PLCB1: variants seen among roughly 807,000 people sequenced by gnomAD.
PLCB1 encodes 1-phosphatidylinositol 4,5-bisphosphate phosphodiesterase beta-1.
PLCB1 carries 46 observed loss-of-function variants against 161.8 expected under a neutral mutation model. The observed-to-expected ratio is 0.28, with a 90% CI of 0.22 to 0.36. The LOEUF is 0.36. Ranked by LOEUF, PLCB1 falls within the 10% of genes least tolerant of loss-of-function variation. PLCB1 has a pLI of 1.00. For synonymous variants in PLCB1, 517 were observed against 503.7 expected, an observed-to-expected ratio of 1.03 and a Z score of -0.35; for missense variants, 1,016 against 1,472.5, an observed-to-expected ratio of 0.69 and a Z score of 5.07.
At chr20:8,243,677 A>G (rs1001056070) in intron 2 of PLCB1, among the ~76,000 whole-genome samples, 1 of 148,964 alleles carries the variant, frequency 6.7e-6, no homozygotes, top group Non-Finnish European at 1.5e-5. Context: ...CATTAAGAAT[A>G]TGCAATGCAC....
chr20:8,856,236 T>A (rs1344792579), intron 31 of PLCB1, among the ~76,000 whole-genome samples: 2 of 152,202 alleles, frequency 1.3e-5, no homozygotes, highest in African/African-American at 4.8e-5. Flanking sequence ...CTTAGTTGTT[T>A]TAACTTCATA....
chr20:8,285,118 G>T (rs1207197739), intron 2 of PLCB1, among the ~76,000 whole-genome samples: 1 of 150,942 alleles, frequency 6.6e-6, no homozygotes, highest in Non-Finnish European at 1.5e-5. Context: ...TTGTCTCATT[G>T]TTTATAGAGT....
At chr20:8,536,496 C>T (rs2122936295) in intron 3 of PLCB1, among the ~76,000 whole-genome samples, 1 of 152,262 alleles carries the variant, frequency 6.6e-6, no homozygotes, top group Admixed American at 6.5e-5. Flanking sequence ...CCTACATAGG[C>T]TCTGCTGGGT....
chr20:8,620,063 G>C (rs1248313858), intron 3 of PLCB1, among the ~76,000 whole-genome samples: 11 of 152,042 alleles, frequency 7.2e-5, no homozygotes, highest in Admixed American at 7.2e-4. Flanking sequence ...CTTCAACTTA[G>C]TTTTCCCTCA....
chr20:8,438,361 G>T (rs1980402728), intron 3 of PLCB1, among the ~76,000 whole-genome samples: 1 of 152,132 alleles, frequency 6.6e-6, no homozygotes, highest in Non-Finnish European at 1.5e-5. Context: ...TAGAGTGGGA[G>T]AAAACATTTT....
chr20:8,758,203 G>A (rs1440937384), intron 24 of PLCB1, among the ~76,000 whole-genome samples: 1 of 149,416 alleles, frequency 6.7e-6, no homozygotes, highest in Non-Finnish European at 1.5e-5. Context: ...TCTTTTAAGG[G>A]TATTTCTCAT....
chr20:8,444,313 G>C (rs1401498982), intron 3 of PLCB1, among the ~76,000 whole-genome samples: 1 of 152,004 alleles, frequency 6.6e-6, no homozygotes, highest in Non-Finnish European at 1.5e-5. Context: ...CCTTGCGATA[G>C]TTTGCTGACA....
At chr20:8,220,250 A>G (rs945723655) in intron 2 of PLCB1, among the ~76,000 whole-genome samples, 1 of 152,138 alleles carries the variant, frequency 6.6e-6, no homozygotes, top group Non-Finnish European at 1.5e-5. Flanking sequence ...ACAGATAAAA[A>G]CATTTGAAAT....
At chr20:8,581,569 A>G (rs976953681) in intron 3 of PLCB1, among the ~76,000 whole-genome samples, 4 of 152,162 alleles carry the variant, frequency 2.6e-5, no homozygotes, top group Non-Finnish European at 4.4e-5. Context: ...AACAGTTACT[A>G]TGGGAAATCA....
chr20:8,310,592 T>G (rs548053391), intron 2 of PLCB1, among the ~76,000 whole-genome samples: 55 of 152,272 alleles, frequency 3.6e-4, no homozygotes, highest in African/African-American at 9.6e-4. Context: ...ATCATTTATC[T>G]TTTGTTTGTT....
At chr20:8,775,277 C>T (rs1387056263) in intron 27 of PLCB1, among the ~76,000 whole-genome samples, 1 of 152,154 alleles carries the variant, frequency 6.6e-6, no homozygotes, top group Non-Finnish European at 1.5e-5. Context: ...AATGTTTTCT[C>T]ACGAATTGAG....
intron 31 of PLCB1, among the ~76,000 whole-genome samples, chr20:8,839,855 G>A (rs2143260): frequency 0.32 from 48,502 of 151,440 alleles, 8,738 homozygotes; most frequent in East Asian, 0.63. Context: ...ACATGGCAAA[G>A]CCCGGTCTCT....
At chr20:8,653,906 A>T (rs781156337) in intron 7 of PLCB1, among the ~76,000 whole-genome samples, 2 of 152,070 alleles carry the variant, frequency 1.3e-5, no homozygotes, top group Non-Finnish European at 1.5e-5. Context: ...GTGTGTTCCT[A>T]TCTATAAAAG....
rs139400872 is a variant in PLCB1, at chr20:8,514,301, G to A, written c.247-113993G>A. Among the ~76,000 whole-genome samples, 636 of 151,732 alleles carry A rather than the reference G, an allele frequency of 4.2e-3. 5 individuals are homozygous for A. Among genetic ancestry groups the A allele is most frequent in the African/African-American group, 0.013 (548 of 41,402 alleles). On this transcript the variant is annotated intron_variant, in intron 3 of 31. Transcript: ENST00000338037. ...CTAAAAATAGAAAAATTAGCCAGGC[G>A]TGGTGGCGTGAGCCTGTAGTCCCAG...
rs1198939700 is a variant in PLCB1 at position 8,841,983 on chromosome 20, A to G, written c.3424-39639A>G. Among the ~76,000 whole-genome samples, 3 of 152,242 alleles carry G rather than the reference A, an allele frequency of 2.0e-5. No individual in the cohort carries two copies. In the East Asian group the frequency reaches 5.8e-4, roughly 29 times the overall value. On this transcript the variant is annotated intron_variant, in intron 31 of 31. Coordinates refer to ENST00000338037, the MANE Select transcript of PLCB1 (RefSeq NM_015192.4). ...GAGTAAATGGAAATAAGACATTAAC[A>G]TTGCCCAACCCCTATTATAGTTGGT...
rs111278494 is a variant in PLCB1, at chr20:8,409,408, C to T, written c.246+37958C>T. On this transcript the variant is annotated intron_variant, in intron 3 of 31. Transcript: ENST00000338037. ...AATGAAATTTGACATCTCTGAGGACCGACAAGGATACTGCTCATATGGAAT... is the reference window on the plus strand; with the variant it reads ...AATGAAATTTGACATCTCTGAGGACTGACAAGGATACTGCTCATATGGAAT... 2.4e-3 allele frequency among the ~76,000 whole-genome samples: 366 copies of T among 151,740 alleles called. 2 individuals are homozygous for T. Among genetic ancestry groups the T allele is most frequent in the Admixed American group, 5.4e-3 (82 of 15,194 alleles).
chr20:8,384,607 G>A (rs927505179), intron 3 of PLCB1, among the ~76,000 whole-genome samples: 25 of 152,078 alleles, frequency 1.6e-4, no homozygotes, highest in Non-Finnish European at 2.8e-4. Flanking sequence ...GAGGCACTCT[G>A]CATTTTGGGT....
intron 3 of PLCB1, among the ~76,000 whole-genome samples, chr20:8,446,724 G>A (rs1260867427): frequency 1.3e-5 from 2 of 152,188 alleles, no homozygotes; most frequent in South Asian, 2.1e-4. Context: ...AAATCAAGGT[G>A]AGTATTAAAA....
intron 3 of PLCB1, among the ~76,000 whole-genome samples, chr20:8,567,077 G>T (rs1363023406): frequency 6.6e-6 from 1 of 152,116 alleles, no homozygotes; most frequent in African/African-American, 2.4e-5. Flanking sequence ...CTCAATGAGA[G>T]CACTACTGGC....
Sources: gnomAD v4.1 joint callset for allele counts (sites outside exome capture counted in the v4.1 genomes callset) on GRCh38, gnomAD v4.1.1 for gene constraint, MANE v1.5 for transcripts, NCBI Gene and HGNC (gene_info 2026-07-23, HGNC 2026-07-21) for gene names.